Variants in DYSF observed in about 807,000 individuals in gnomAD.
The protein encoded by DYSF is dystrophy-associated fer-1-like 1.
A neutral mutation model predicts 274.9 loss-of-function variants in DYSF; 212 were observed. The observed-to-expected ratio is 0.77, with a 90% CI of 0.69 to 0.86. The LOEUF (loss-of-function observed/expected upper bound fraction) is 0.86, where lower values mean the gene tolerates loss of function less well. Among genes scored for constraint, DYSF ranks in the 40% least tolerant of loss-of-function variants. The pLI, the probability that DYSF is intolerant of heterozygous loss-of-function variation, is 0.00. For missense variants in DYSF, 2,666 were observed against 2,783.2 expected (o/e 0.96, Z 0.95); for synonymous variants, 1,091 against 1,078.7 (o/e 1.01, Z -0.22).
chr2:71,677,266 C>T (rs1036068651), intron 52 of DYSF, among the ~76,000 whole-genome samples: 8 of 152,084 alleles, frequency 5.3e-5, no homozygotes, highest in Non-Finnish European at 1.0e-4. Context: ...ATTTAATGTT[C>T]GGTTATAGTA....
At chr2:71,660,748 C>A in intron 45 of DYSF, 97 bp downstream of exon 45, 2 of 1,056,772 alleles carry the variant, frequency 1.9e-6, no homozygotes, top group Non-Finnish European at 2.9e-6. Context: ...AAGTCCGTAT[C>A]TCTTGGAGCA....
chr2:71,622,126 C>CTTTGTTTTTTTTT (rs2094117650), intron 41 of DYSF, among the ~76,000 whole-genome samples: 1 of 38,746 alleles, frequency 2.6e-5, no homozygotes, highest in African/African-American at 6.1e-5. Context: ...CAGATGATTT[C>CTTTGTTTTTTTTT]TTTGTTTTTT....
At chr2:71,567,867 G>A (rs774991165) in intron 24 of DYSF, 84 bp from the exon 25 acceptor site, 43 of 1,579,966 alleles carry the variant, frequency 2.7e-5, no homozygotes, top group Non-Finnish European at 3.4e-5. Context: ...ACCCAGGCTT[G>A]GAGGACTCCT....
chr2:71,551,653 C>A lies in DYSF; in HGVS notation c.1739C>A (p.Thr580Asn). 1 of 1,611,034 alleles carries A rather than the reference C, an allele frequency of 6.2e-7. No individual in the cohort carries two copies. Among genetic ancestry groups the A allele is most frequent in the Non-Finnish European group, 8.5e-7 (1 of 1,179,398 alleles). Residue 580 changes from threonine (T) to asparagine (N), a missense_variant, in exon 19 of 56, where the codon ACC becomes AAC. Physicochemically the swap from Thr to Asn is moderately conservative, Grantham distance 65. This residue lies in a region of DYSF where 794 missense variants were observed against 777.1 expected (regional missense o/e 1.02). Coordinates refer to ENST00000410020, the MANE Select transcript of DYSF (RefSeq NM_001130987.2). Reference sequence around the variant, plus strand: ...GGCCGGCTTCTGCTCTCCCTGGAGACCAAGCTGGTGGAGCACAGTGAACAG... The same window carrying A: ...GGCCGGCTTCTGCTCTCCCTGGAGAACAAGCTGGTGGAGCACAGTGAACAG... ...YRGRLLLSLE[T>N]KLVEHSEQKV...
intron 42 of DYSF, among the ~76,000 whole-genome samples, chr2:71,653,794 A>G (rs548330242): frequency 2.0e-5 from 3 of 152,106 alleles, no homozygotes; most frequent in Admixed American, 1.3e-4. Context: ...CATGTACCCT[A>G]AAACTTAAAG....
chr2:71,534,869 C>T (rs1211821260), intron 14 of DYSF, 152 bp from the exon 15 acceptor site: 2 of 738,676 alleles, frequency 2.7e-6, no homozygotes, highest in South Asian at 3.1e-5. Flanking sequence ...TGTGTATGAA[C>T]CCCCTGCACT....
At chr2:71,482,928 G>A (rs900407753) in intron 3 of DYSF, among the ~76,000 whole-genome samples, 1 of 152,154 alleles carries the variant, frequency 6.6e-6, no homozygotes, top group Non-Finnish European at 1.5e-5. Context: ...TTGGGAACTG[G>A]GTCAGTGGTG....
intron 52 of DYSF, among the ~76,000 whole-genome samples, chr2:71,677,878 C>T (rs1404054994): frequency 6.6e-6 from 1 of 152,160 alleles, no homozygotes; most frequent in East Asian, 1.9e-4. Flanking sequence ...GGGACTCAGA[C>T]ATTTGTGTGC....
intron 36 of DYSF, among the ~76,000 whole-genome samples, chr2:71,605,976 G>A (rs2093639679): frequency 6.6e-6 from 1 of 152,178 alleles, no homozygotes; most frequent in Admixed American, 6.5e-5. Flanking sequence ...CGAGGAACCA[G>A]GATGTGACTG....
At chr2:71,659,482 C>T (rs903383360) in intron 44 of DYSF, among the ~76,000 whole-genome samples, 10 of 152,070 alleles carry the variant, frequency 6.6e-5, no homozygotes, top group African/African-American at 1.9e-4. Flanking sequence ...AAAGGAGCAG[C>T]GTTAGTGACT....
In DYSF at chr2:71,454,015, T is replaced by A. The variant is rs1354334539; in HGVS notation, c.17T>A (p.Ile6Asn). The A allele has an allele frequency of 1.2e-5, 20 of 1,614,116 alleles. No homozygotes were observed. The highest frequency in any genetic ancestry group is 1.7e-5 in the Non-Finnish European group (20 of 1,180,006). The change falls in exon 1 of 55, where the codon ATC becomes AAC. Residue 6 changes from isoleucine to asparagine, a missense_variant. By Grantham distance (149) the Ile-to-Asn change is moderately radical. Coordinates refer to the DYSF transcript ENST00000258104. ...GCGCCAAGCATGCTGAGGGTCTTCA[T>A]CCTCTATGCCGAGAACGTCCACACA...
At chr2:71,611,072 G>T (rs910567687) in intron 36 of DYSF, among the ~76,000 whole-genome samples, 173 bp from the exon 37 acceptor site, 2 of 152,188 alleles carry the variant, frequency 1.3e-5, no homozygotes, top group Non-Finnish European at 2.9e-5. Context: ...ATGCCTGGCC[G>T]AAACTGACTT....
intron 41 of DYSF, among the ~76,000 whole-genome samples, chr2:71,625,096 C>T (rs543047875): frequency 6.6e-6 from 1 of 152,032 alleles, no homozygotes; most frequent in Admixed American, 6.6e-5. Context: ...ATCCAAAGAA[C>T]CAGCTCTTTA....
At chr2:71,493,791 G>A (rs924977013) in intron 3 of DYSF, among the ~76,000 whole-genome samples, 1 of 139,582 alleles carries the variant, frequency 7.2e-6, no homozygotes, top group African/African-American at 2.7e-5. Flanking sequence ...GGTGGAGGTT[G>A]CAGTGAGCTG....
intron 3 of DYSF, among the ~76,000 whole-genome samples, chr2:71,495,455 G>A (rs1234844486): frequency 2.0e-5 from 3 of 152,180 alleles, no homozygotes; most frequent in Non-Finnish European, 2.9e-5. Context: ...TCAAAGTGTT[G>A]CTGTAGGTTG....
chr2:71,628,952 A>C (rs1486970294), intron 41 of DYSF, among the ~76,000 whole-genome samples: 1 of 138,040 alleles, frequency 7.2e-6, no homozygotes, highest in African/African-American at 3.0e-5. Context: ...ACCCTGTTGC[A>C]AAAAAAAAAA....
intron 3 of DYSF, 107 bp downstream of exon 3, chr2:71,482,077 C>A: frequency 1.2e-6 from 1 of 857,974 alleles, no homozygotes; most frequent in Non-Finnish European, 1.9e-6. Context: ...TTTCAATTAG[C>A]ATTTATCCAC....
chr2:71,564,248 T>A, intron 24 of DYSF, 35 bp downstream of exon 24: 1 of 1,613,968 alleles, frequency 6.2e-7, no homozygotes, highest in Non-Finnish European at 8.5e-7. Flanking sequence ...ATGATCGTAT[T>A]TTTCCCAACA....
At chr2:71,594,517 AGAACACATTTTGG>A (rs2093354450) in intron 32 of DYSF, among the ~76,000 whole-genome samples, 2 of 152,274 alleles carry the variant, frequency 1.3e-5, no homozygotes, top group East Asian at 1.9e-4. Flanking sequence ...CACCACTCAA[AGAACACATTTTGG>A]GAAACACTGA....
Sources: gnomAD v4.1 joint callset for allele counts (sites outside exome capture counted in the v4.1 genomes callset) on GRCh38, gnomAD v4.1.1 for gene constraint, gnomAD v4.1.1 regional missense constraint, MANE v1.5 for transcripts, NCBI Gene and HGNC (gene_info 2026-07-23, HGNC 2026-07-21) for gene names.